B3GLCT: variants seen among roughly 807,000 people sequenced by gnomAD.
B3GLCT encodes the protein beta-1,3-glucosyltransferase.
B3GLCT carries 65 observed loss-of-function variants against 63.4 expected under a neutral mutation model. That is an observed-to-expected ratio of 1.03 (90% CI 0.84 to 1.26). B3GLCT has a LOEUF of 1.26. Among genes scored for constraint, B3GLCT ranks in the 50% most tolerant of loss-of-function variants. B3GLCT has a pLI of 0.00. For synonymous variants in B3GLCT, 233 were observed against 219.2 expected, an observed-to-expected ratio of 1.06 and a Z score of -0.55; for missense variants, 577 against 604.8, an observed-to-expected ratio of 0.95 and a Z score of 0.48.
chr13:31,229,321 C>G, intron 4 of B3GLCT, 27 bp downstream of exon 4: 1 of 1,325,602 alleles, frequency 7.5e-7, no homozygotes, highest in Admixed American at 1.7e-5. Context: ...GGGGGGTCTG[C>G]CAGTTATGTA....
At chr13:31,318,760 G>T (rs571265111) in intron 13 of B3GLCT, among the ~76,000 whole-genome samples, 1 of 152,260 alleles carries the variant, frequency 6.6e-6, no homozygotes, top group South Asian at 2.1e-4. Flanking sequence ...GCCAATTAAG[G>T]ATCAGAACAT....
At chr13:31,229,128 T>G in intron 3 of B3GLCT, 57 bp from the exon 4 acceptor site, 2 of 1,160,124 alleles carry the variant, frequency 1.7e-6, no homozygotes, top group Non-Finnish European at 2.5e-6. Flanking sequence ...TGTTTTCAAG[T>G]TTATTTTAAT....
intron 2 of B3GLCT, among the ~76,000 whole-genome samples, chr13:31,216,752 C>G (rs1468867215): frequency 6.6e-6 from 1 of 152,232 alleles, no homozygotes; most frequent in African/African-American, 2.4e-5. Context: ...GCCTCCAGCT[C>G]CATCCATGTT....
At chr13:31,201,140 G>C (rs896651589) in intron 1 of B3GLCT, among the ~76,000 whole-genome samples, 1 of 151,894 alleles carries the variant, frequency 6.6e-6, no homozygotes, top group African/African-American at 2.4e-5. Flanking sequence ...CAGACTTGCT[G>C]GTGTGAAAAG....
chr13:31,234,007 CTT>C (rs57331266), intron 4 of B3GLCT, among the ~76,000 whole-genome samples: 1 of 147,234 alleles, frequency 6.8e-6, no homozygotes, highest in African/African-American at 2.5e-5. Context: ...GGCAGTTTTT[CTT>C]TTTTTTTTTT....
At chr13:31,272,750 G>A (rs188058537) in intron 8 of B3GLCT, among the ~76,000 whole-genome samples, 152 of 152,174 alleles carry the variant, frequency 1.0e-3, no homozygotes, top group Middle Eastern at 3.4e-3. Flanking sequence ...TGCACTTGTT[G>A]TTCAATATTT....
chr13:31,233,290 G>A (rs780059332), intron 4 of B3GLCT, among the ~76,000 whole-genome samples: 2 of 152,030 alleles, frequency 1.3e-5, no homozygotes, highest in Non-Finnish European at 2.9e-5. Flanking sequence ...GGTATGAGTT[G>A]GTTCTAGAAA....
intron 8 of B3GLCT, among the ~76,000 whole-genome samples, chr13:31,273,746 C>T (rs370450793): frequency 1.1e-4 from 16 of 152,088 alleles, no homozygotes; most frequent in African/African-American, 2.2e-4. Context: ...GTTATACTGA[C>T]GAGATAATTT....
chr13:31,253,692 T>C (rs1566064332), intron 6 of B3GLCT, among the ~76,000 whole-genome samples: 1 of 145,668 alleles, frequency 6.9e-6, no homozygotes, highest in Non-Finnish European at 1.5e-5. Context: ...AGAGCAGAAC[T>C]GAAGGAGATA....
chr13:31,277,141 C>T (rs1429846316), intron 10 of B3GLCT, among the ~76,000 whole-genome samples: 4 of 152,156 alleles, frequency 2.6e-5, no homozygotes, highest in African/African-American at 9.7e-5. Flanking sequence ...CAGGGGATTT[C>T]AAGGTAACAG....
intron 3 of B3GLCT, among the ~76,000 whole-genome samples, chr13:31,224,654 A>G (rs1870000271): frequency 6.6e-6 from 1 of 151,966 alleles, no homozygotes; most frequent in Non-Finnish European, 1.5e-5. Context: ...TTGCTGCCTA[A>G]TTGATAGATT....
chr13:31,323,612 C>G (rs1395285009), intron 13 of B3GLCT, 139 bp from the exon 14 acceptor site: 2 of 954,444 alleles, frequency 2.1e-6, no homozygotes, highest in East Asian at 4.8e-5. Flanking sequence ...TAGGGTTTTA[C>G]CTAGAGCTCA....
At chr13:31,261,274 T>C (rs1226412109) in intron 7 of B3GLCT, among the ~76,000 whole-genome samples, 192 bp downstream of exon 7, 1 of 152,186 alleles carries the variant, frequency 6.6e-6, no homozygotes, top group African/African-American at 2.4e-5. Context: ...ACTAGACCCT[T>C]CAGACAAATC....
intron 12 of B3GLCT, among the ~76,000 whole-genome samples, chr13:31,290,138 T>C (rs899615151): frequency 6.6e-6 from 1 of 152,160 alleles, no homozygotes; most frequent in South Asian, 2.1e-4. Flanking sequence ...TGTTCCTGTA[T>C]TAGTTTGCTG....
At chr13:31,277,506 T>C (rs1872854563) in intron 10 of B3GLCT, among the ~76,000 whole-genome samples, 1 of 152,172 alleles carries the variant, frequency 6.6e-6, no homozygotes, top group Admixed American at 6.5e-5. Context: ...TTTTCTAATT[T>C]TAGTGCGTAT....
chr13:31,283,759 T>C (rs1873183492), intron 10 of B3GLCT, among the ~76,000 whole-genome samples: 1 of 152,102 alleles, frequency 6.6e-6, no homozygotes, highest in Admixed American at 6.6e-5. Context: ...TCTATTAGAG[T>C]TGGGAACAGG....
chr13:31,319,851 C>T (rs189087822), intron 13 of B3GLCT, among the ~76,000 whole-genome samples: 1 of 152,206 alleles, frequency 6.6e-6, no homozygotes, highest in Admixed American at 6.5e-5. Context: ...TCCAATGTCC[C>T]CCTCTCAGGG....
At chr13:31,239,952 G>GC (rs1017515078) in intron 4 of B3GLCT, among the ~76,000 whole-genome samples, 1 of 152,164 alleles carries the variant, frequency 6.6e-6, no homozygotes, top group Non-Finnish European at 1.5e-5. Context: ...TCAGCACAAG[G>GC]CCAGGGTCTT....
At chr13:31,229,036 G>T (rs1870237750) in intron 3 of B3GLCT, 149 bp from the exon 4 acceptor site, 1 of 634,190 alleles carries the variant, frequency 1.6e-6, no homozygotes, top group African/African-American at 1.8e-5. Flanking sequence ...AGAAAATTTT[G>T]TCTCTAGAAT....
Sources: allele counts gnomAD v4.1 joint callset (sites outside exome capture counted in the v4.1 genomes callset), GRCh38; gene constraint gnomAD v4.1.1; transcripts MANE v1.5; gene names NCBI Gene and HGNC (gene_info 2026-07-23, HGNC 2026-07-21).